NAALADL2: variants seen among roughly 807,000 people sequenced by gnomAD.
NAALADL2 encodes N-acetylated alpha-linked acidic dipeptidase like 2.
NAALADL2 carries 76 observed loss-of-function variants against 87.2 expected under a neutral mutation model. The ratio of observed to expected loss-of-function variants is 0.87; its 90% CI spans 0.72 to 1.05. The LOEUF (loss-of-function observed/expected upper bound fraction) is 1.05. Among genes scored for constraint, NAALADL2 ranks in the 50% least tolerant of loss-of-function variants. The probability of loss-of-function intolerance (pLI) is 0.00; values close to 1 mark genes in which losing one functional copy is unlikely to be tolerated. For missense variants in NAALADL2, 1,089 were observed against 945.8 expected (o/e 1.15, Z -1.99); for synonymous variants, 354 against 331.0 (o/e 1.07, Z -0.75).
chr3:174,757,735 C>T lies in NAALADL2; in HGVS notation c.-9+19989C>T, dbSNP rs1461584061. On this transcript the variant is annotated intron_variant, in intron 3 of 3. Transcript: ENST00000434257. ...GGCCAGGCTGGTCTCGAACTCCTGACCTTGTGATCCACCCGCCTCAGCCTC... is the reference window on the plus strand; with the variant it reads ...GGCCAGGCTGGTCTCGAACTCCTGATCTTGTGATCCACCCGCCTCAGCCTC... Among the ~76,000 whole-genome samples the T allele has an allele frequency of 2.0e-5, 3 of 152,018 alleles. No homozygotes were observed. In the East Asian group the frequency reaches 5.8e-4, roughly 30 times the overall value.
intron 2 of NAALADL2, among the ~76,000 whole-genome samples, chr3:175,113,073 T>G (rs556281947): frequency 6.6e-6 from 1 of 151,742 alleles, no homozygotes; most frequent in South Asian, 2.1e-4. Flanking sequence ...AGAAGTAGAT[T>G]AGGATAATTT....
intron 2 of NAALADL2, among the ~76,000 whole-genome samples, chr3:174,701,335 G>T (rs543990442): frequency 1.5e-4 from 23 of 151,884 alleles, no homozygotes; most frequent in African/African-American, 5.3e-4. Flanking sequence ...AAGGGAAGGG[G>T]TGTTATGAGC....
intron 13 of NAALADL2, among the ~76,000 whole-genome samples, chr3:175,757,554 C>T (rs577463761): frequency 1.3e-5 from 2 of 152,156 alleles, no homozygotes; most frequent in South Asian, 4.1e-4. Context: ...AACTCAAATT[C>T]ACATTTAAAA....
chr3:175,300,943 T>A (rs1442787237), intron 4 of NAALADL2, among the ~76,000 whole-genome samples: 1 of 152,004 alleles, frequency 6.6e-6, no homozygotes, highest in Admixed American at 6.6e-5. Flanking sequence ...AGTTTCTCCA[T>A]GTTGGTCATG....
intron 12 of NAALADL2, among the ~76,000 whole-genome samples, chr3:175,742,371 TG>T (rs1653036495): frequency 6.6e-6 from 1 of 152,158 alleles, no homozygotes; most frequent in Non-Finnish European, 1.5e-5. Flanking sequence ...ATTTATATAA[TG>T]TAAGTTTTTT....
Position 174,553,700 on chromosome 3 carries a change from A to G in NAALADL2, c.-115+3063A>G, listed in dbSNP as rs913256107. 4.6e-5 allele frequency among the ~76,000 whole-genome samples: 7 copies of G among 152,166 alleles called. No homozygotes were observed. The South Asian group carries it at 6.2e-4, about 13-fold the overall frequency. On this transcript the variant is annotated intron_variant, in intron 2 of 3. Coordinates refer to the NAALADL2 transcript ENST00000434257. ...AGCTGCATGGTACTTCAAGTAGCAC[A>G]TTAAGAAGAAAAATTCTTCCCTTGA... is the stretch of plus-strand genomic sequence containing the variant.
At chr3:175,064,380 T>G (rs1402125262) in intron 1 of NAALADL2, among the ~76,000 whole-genome samples, 1 of 151,992 alleles carries the variant, frequency 6.6e-6, no homozygotes, top group East Asian at 1.9e-4. Context: ...TATTTGGGAT[T>G]GTATCAGTGA....
At position 174,670,145 on chromosome 3, in the gene NAALADL2, T is replaced by C. The variant is rs543272347; in HGVS notation, c.-114-67496T>C. Reference sequence around the variant, plus strand: ...TTCTAACAGTTTTTTTTGTGGAAACTTTAGAGTTTTGTACGTATAAGATCA... The same window carrying C: ...TTCTAACAGTTTTTTTTGTGGAAACCTTAGAGTTTTGTACGTATAAGATCA... On this transcript the variant is annotated intron_variant, in intron 2 of 3. Coordinates refer to the NAALADL2 transcript ENST00000434257. Among the ~76,000 whole-genome samples, 8 of 152,114 alleles carry C rather than the reference T, an allele frequency of 5.3e-5. No homozygotes were observed. The South Asian group carries it at 1.7e-3, about 32-fold the overall frequency.
chr3:175,121,383 C>G (rs770959183), intron 2 of NAALADL2, among the ~76,000 whole-genome samples: 25 of 151,778 alleles, frequency 1.6e-4, no homozygotes, highest in Non-Finnish European at 2.1e-4. Context: ...AAGTGGAGAA[C>G]TAGATGTTTC....
chr3:175,116,719 A>G (rs187250193), intron 2 of NAALADL2, among the ~76,000 whole-genome samples: 22 of 151,302 alleles, frequency 1.5e-4, no homozygotes, highest in Admixed American at 1.2e-3. Context: ...TCTTCACAGA[A>G]TTGGAAAAAC....
chr3:175,275,176 T>C (rs994059332), intron 4 of NAALADL2, among the ~76,000 whole-genome samples: 1 of 152,146 alleles, frequency 6.6e-6, no homozygotes, highest in Non-Finnish European at 1.5e-5. Context: ...AGAAATAAAA[T>C]GTGAAAATCA....
chr3:175,605,648 T>TTTTTTGTTTG (rs1433311279), intron 10 of NAALADL2, among the ~76,000 whole-genome samples: 16 of 149,668 alleles, frequency 1.1e-4, no homozygotes, highest in South Asian at 4.2e-4. Flanking sequence ...TTGTTTTTTT[T>TTTTTTGTTTG]TTTTTTTTAA....
chr3:174,597,065 A>G (rs932268768), intron 2 of NAALADL2, among the ~76,000 whole-genome samples: 54 of 152,202 alleles, frequency 3.5e-4, no homozygotes, highest in African/African-American at 1.1e-3. Flanking sequence ...AGCAGGATTC[A>G]CAGGACTCTA....
intron 1 of NAALADL2, among the ~76,000 whole-genome samples, chr3:174,893,116 G>C (rs1193497678): frequency 2.0e-5 from 3 of 152,088 alleles, no homozygotes; most frequent in Non-Finnish European, 4.4e-5. Flanking sequence ...CTCTTCAGTG[G>C]AAACTTTACA....
chr3:175,165,732 C>A (rs1310074843), intron 2 of NAALADL2, among the ~76,000 whole-genome samples: 2 of 152,126 alleles, frequency 1.3e-5, no homozygotes, highest in Admixed American at 6.6e-5. Flanking sequence ...ACAGCACATA[C>A]CCTGTCATGG....
At chr3:175,154,087 C>G (rs1296447306) in intron 2 of NAALADL2, among the ~76,000 whole-genome samples, 1 of 152,068 alleles carries the variant, frequency 6.6e-6, no homozygotes, top group Non-Finnish European at 1.5e-5. Flanking sequence ...CAAAGTGACT[C>G]CTTCTTTGAA....
intron 1 of NAALADL2, among the ~76,000 whole-genome samples, chr3:174,998,658 T>C (rs939426154): frequency 6.6e-6 from 1 of 152,186 alleles, no homozygotes; most frequent in Non-Finnish European, 1.5e-5. Flanking sequence ...GTAATCTGCA[T>C]GTTGAGTCAG....
At chr3:174,539,977 G>GAAAAA (rs57394560) in intron 1 of NAALADL2, among the ~76,000 whole-genome samples, 1 of 51,178 alleles carries the variant, frequency 2.0e-5, no homozygotes, top group Non-Finnish European at 3.8e-5. Flanking sequence ...GGAAGTTCTG[G>GAAAAA]AAAAAAAAAA....
chr3:175,734,772 C>T lies in NAALADL2; in HGVS notation c.1897-2534C>T, dbSNP rs181698590. On this transcript the variant is annotated intron_variant, in intron 11 of 13. Transcript: ENST00000454872. The stretch of plus-strand genomic sequence containing the variant: ...CCCAAGACTGCACACAGCAGAGGGA[C>T]CCTGGGCCTGGCCCATGAAACTATT... 1.2e-4 allele frequency among the ~76,000 whole-genome samples: 18 copies of T among 152,264 alleles called. No individual in the cohort carries two copies. The South Asian group carries it at 3.3e-3, about 28-fold the overall frequency.
Sources: gnomAD v4.1 joint callset for allele counts (sites outside exome capture counted in the v4.1 genomes callset) on GRCh38, gnomAD v4.1.1 for gene constraint, MANE v1.5 for transcripts, NCBI Gene and HGNC (gene_info 2026-07-23, HGNC 2026-07-21) for gene names.